The following TSPEAR variants were observed in gnomAD, a reference collection of about 807,000 sequenced individuals.
TSPEAR encodes thrombospondin-type laminin G domain and EAR repeat-containing protein.
A neutral mutation model predicts 71.6 loss-of-function variants in TSPEAR; 69 were observed. The observed-to-expected ratio is 0.96, with a 90% CI of 0.79 to 1.18. The LOEUF (loss-of-function observed/expected upper bound fraction) is 1.18, where lower values mean the gene tolerates loss of function less well. Among genes scored for constraint, TSPEAR ranks in the 50% most tolerant of loss-of-function variants. The pLI is 0.00. For missense variants in TSPEAR, 971 were observed against 894.9 expected (o/e 1.09, Z -1.09); for synonymous variants, 402 against 387.2 (o/e 1.04, Z -0.45).
chr21:44,566,845 C>G (rs781935751), intron 2 of TSPEAR, among the ~76,000 whole-genome samples: 22 of 152,032 alleles, frequency 1.4e-4, no homozygotes, highest in Admixed American at 8.5e-4. Flanking sequence ...CTACCTCACA[C>G]CACATACAAA....
chr21:44,667,289 A>C (rs1555945098), intron 1 of TSPEAR, among the ~76,000 whole-genome samples: 1 of 152,096 alleles, frequency 6.6e-6, no homozygotes, highest in Admixed American at 6.5e-5. Flanking sequence ...CACTCCTCTC[A>C]TGGCTCAGGA....
chr21:44,700,597 C>T (rs775949611), intron 1 of TSPEAR, among the ~76,000 whole-genome samples: 1 of 152,184 alleles, frequency 6.6e-6, no homozygotes, highest in Non-Finnish European at 1.5e-5. Context: ...TGGTTTGAAT[C>T]TGCCTTGGGG....
At chr21:44,659,198 G>A (rs1985348043) in intron 1 of TSPEAR, among the ~76,000 whole-genome samples, 1 of 152,166 alleles carries the variant, frequency 6.6e-6, no homozygotes, top group Non-Finnish European at 1.5e-5. Context: ...GCAGAAGTGT[G>A]TAGAGATCTC....
intron 1 of TSPEAR, among the ~76,000 whole-genome samples, chr21:44,679,568 A>G (rs7281653): frequency 0.46 from 69,964 of 152,026 alleles, 16,246 homozygotes; most frequent in South Asian, 0.55. Context: ...ATATGGAACC[A>G]AAAAGGACCC....
chr21:44,533,309 G>T (rs1444032950), intron 3 of TSPEAR, among the ~76,000 whole-genome samples: 1 of 152,202 alleles, frequency 6.6e-6, no homozygotes, highest in Non-Finnish European at 1.5e-5. Context: ...CTCACCCCAT[G>T]CAGCCCTGCA....
chr21:44,527,298 C>T lies in TSPEAR; in HGVS notation c.1143G>A (p.Gly381=). Residue 381 remains glycine, a synonymous_variant, in exon 7 of 12, where the codon GGG becomes GGA. Transcript: ENST00000323084. ...QAQAWRHFTI[G]KKIFLAVANF... ...TCACCGAACACAGACTTGCCTTTTT[C>T]CCGATGGTGAAATGCCTCCAGGCCT... 1 of 1,614,070 alleles carries T rather than the reference C, an allele frequency of 6.2e-7. No homozygotes were observed. Among genetic ancestry groups the T allele is most frequent in the Non-Finnish European group, 8.5e-7 (1 of 1,180,006 alleles).
intron 1 of TSPEAR, among the ~76,000 whole-genome samples, chr21:44,700,852 G>A (rs1987615600): frequency 6.6e-6 from 1 of 152,176 alleles, no homozygotes; most frequent in Non-Finnish European, 1.5e-5. Flanking sequence ...TAATCCTCAC[G>A]TGGCCTTGTG....
rs2146250083 is a variant in TSPEAR at position 44,651,328 on chromosome 21, A to G, written c.82+60105T>C. On this transcript the variant is annotated intron_variant, in intron 1 of 11. Coordinates refer to ENST00000323084, the MANE Select transcript of TSPEAR (RefSeq NM_144991.3). ...GCAAGACCACGCAGTGTGTAGAAAC[A>G]CCAGGCTGTGAGACAGAGAAGTTGG... Among the ~76,000 whole-genome samples, 2 of 152,224 alleles carry G rather than the reference A, an allele frequency of 1.3e-5. 1 individual carries two copies. Among genetic ancestry groups the G allele is most frequent in the Middle Eastern group, 6.8e-3 (2 of 294 alleles).
At chr21:44,662,593 C>G (rs900082090) in intron 1 of TSPEAR, among the ~76,000 whole-genome samples, 1 of 152,162 alleles carries the variant, frequency 6.6e-6, no homozygotes, top group Non-Finnish European at 1.5e-5. Flanking sequence ...ATACAGAAGG[C>G]CTGGACAACA....
intron 1 of TSPEAR, among the ~76,000 whole-genome samples, chr21:44,665,069 G>A (rs1015060962): frequency 2.0e-5 from 3 of 152,230 alleles, no homozygotes; most frequent in African/African-American, 7.2e-5. Context: ...CACATTGGGT[G>A]TGTTCATGGA....
Position 44,637,938 on chromosome 21 carries a change from G to T in TSPEAR, c.83-69933C>A, listed in dbSNP as rs1276944112. ...ACTTCATGCTGCCAGCAGTCTAGCTGCCAGCCTGCTTGCTGCACCGCCTCC... is the reference window on the plus strand; with the variant it reads ...ACTTCATGCTGCCAGCAGTCTAGCTTCCAGCCTGCTTGCTGCACCGCCTCC... On this transcript the variant is annotated intron_variant, in intron 1 of 11. Transcript: ENST00000323084. The T allele has an allele frequency of 3.7e-6, 6 of 1,612,872 alleles. No homozygotes were observed. The highest frequency in any genetic ancestry group is 1.3e-5 in the African/African-American group (1 of 74,844).
Position 44,623,909 on chromosome 21 carries a change from T to C in TSPEAR, c.83-55904A>G, listed in dbSNP as rs987009800. Among the ~76,000 whole-genome samples, 3 of 152,256 alleles carry C rather than the reference T, an allele frequency of 2.0e-5. No homozygotes were observed. The highest frequency in any genetic ancestry group is 4.4e-5 in the Non-Finnish European group (3 of 68,044). ...ATGGTTTCCTTTGTATTCACCTTGC[T>C]AAACATTCTTAAATGCTTTTTGCAT... On this transcript the variant is annotated intron_variant, in intron 1 of 11. Coordinates refer to ENST00000323084, the MANE Select transcript of TSPEAR (RefSeq NM_144991.3). The surrounding 1 kb of genome is among the most constrained non-coding windows in gnomAD (Gnocchi z 4.5).
rs587632405 is a variant in TSPEAR at position 44,559,249 on chromosome 21, C to T, written c.303+8536G>A. On this transcript the variant is annotated intron_variant, in intron 2 of 11. Transcript: ENST00000323084. ...ATGCTCAGTTGGCCTGGCCACACGG[C>T]GAGATCCACCCTGTGGGTTGACACT... 5.9e-5 allele frequency among the ~76,000 whole-genome samples: 9 copies of T among 152,268 alleles called. No homozygotes were observed. In the South Asian group the frequency reaches 1.2e-3, roughly 21 times the overall value.
At chr21:44,697,447 C>G (rs782653589) in intron 1 of TSPEAR, 4 of 1,613,980 alleles carry the variant, frequency 2.5e-6, no homozygotes, top group East Asian at 4.5e-5. Context: ...CCTGCACGCC[C>G]TCGTGCTGCC....
At chr21:44,661,433 C>T (rs1388612486) in intron 1 of TSPEAR, among the ~76,000 whole-genome samples, 3 of 152,106 alleles carry the variant, frequency 2.0e-5, no homozygotes, top group Non-Finnish European at 4.4e-5. Flanking sequence ...GGTACACTGC[C>T]GTAAAGTCCT....
At chr21:44,580,160 C>T in intron 1 of TSPEAR, 1 of 1,613,882 alleles carries the variant, frequency 6.2e-7, no homozygotes, top group Non-Finnish European at 8.5e-7. Flanking sequence ...GGGCACACAG[C>T]ACACGGGCTT....
intron 1 of TSPEAR, among the ~76,000 whole-genome samples, chr21:44,690,308 C>G (rs1555949601): frequency 6.6e-6 from 1 of 152,212 alleles, no homozygotes; most frequent in Admixed American, 6.5e-5. Flanking sequence ...AGGAGCATTT[C>G]CCAAGGCTAA....
At chr21:44,590,438 G>A (rs964012024) in intron 1 of TSPEAR, among the ~76,000 whole-genome samples, 2 of 152,088 alleles carry the variant, frequency 1.3e-5, no homozygotes, top group African/African-American at 2.4e-5. Context: ...AAGTCTAGGC[G>A]AGGCCGCATG....
chr21:44,674,133 T>G (rs1272434899), intron 1 of TSPEAR, among the ~76,000 whole-genome samples: 1 of 135,892 alleles, frequency 7.4e-6, no homozygotes, highest in Non-Finnish European at 1.6e-5. Context: ...AAAAAAAAAG[T>G]AGAAAGATTT....
Sources: gnomAD v4.1 joint callset for allele counts (sites outside exome capture counted in the v4.1 genomes callset) on GRCh38, gnomAD v4.1.1 for gene constraint, Gnocchi (gnomAD v3.1) non-coding constraint, MANE v1.5 for transcripts, NCBI Gene and HGNC (gene_info 2026-07-23, HGNC 2026-07-21) for gene names.